STIM1: variants seen among roughly 807,000 people sequenced by gnomAD.
STIM1 encodes the protein stromal interaction molecule 1.
A neutral mutation model predicts 74.7 loss-of-function variants in STIM1; 25 were observed. The ratio of observed to expected loss-of-function variants is 0.33; its 90% CI spans 0.24 to 0.47. The LOEUF is 0.47. Among genes scored for constraint, STIM1 ranks in the 20% least tolerant of loss-of-function variants. STIM1 has a pLI of 1.00. For synonymous variants in STIM1, 328 were observed against 348.8 expected (o/e 0.94, Z 0.66); for missense variants, 728 against 920.8 (o/e 0.79, Z 2.71).
chr11:4,067,936 G>T (rs933736250), intron 5 of STIM1, among the ~76,000 whole-genome samples: 5 of 152,176 alleles, frequency 3.3e-5, no homozygotes, highest in African/African-American at 4.8e-5. Flanking sequence ...ACCTTAAAGA[G>T]TAAATCAACC....
intron 1 of STIM1, among the ~76,000 whole-genome samples, chr11:3,941,185 C>A (rs965167661): frequency 3.9e-5 from 6 of 152,064 alleles, no homozygotes; most frequent in African/African-American, 1.2e-4. Flanking sequence ...AGAGTACATG[C>A]CTCTACTAAT....
intron 1 of STIM1, among the ~76,000 whole-genome samples, chr11:3,902,870 A>G (rs551503911): frequency 1.9e-4 from 29 of 152,308 alleles, no homozygotes; most frequent in African/African-American, 7.0e-4. Context: ...GGATAGAGGC[A>G]AAGGATCATA....
intron 1 of STIM1, among the ~76,000 whole-genome samples, chr11:3,911,212 T>C (rs1259426254): frequency 6.6e-6 from 1 of 152,126 alleles, no homozygotes; most frequent in Non-Finnish European, 1.5e-5. Flanking sequence ...TTCTAACAAG[T>C]CAATCTAACT....
At chr11:3,918,583 C>CTA (rs1023215995) in intron 1 of STIM1, among the ~76,000 whole-genome samples, 3 of 151,772 alleles carry the variant, frequency 2.0e-5, no homozygotes, top group Middle Eastern at 3.2e-3. Flanking sequence ...CAACATAATA[C>CTA]CTCTCTTTCC....
chr11:3,895,750 TCC>T (rs1475629474), intron 1 of STIM1, among the ~76,000 whole-genome samples: 1,410 of 44,304 alleles, frequency 0.032, 140 homozygotes, highest in Non-Finnish European at 0.036. Context: ...CTTTCTTCCT[TCC>T]TTCCTTCCTT....
At chr11:3,980,323 A>G (rs1440594311) in intron 2 of STIM1, among the ~76,000 whole-genome samples, 5 of 152,140 alleles carry the variant, frequency 3.3e-5, no homozygotes, top group African/African-American at 2.4e-5. Context: ...CTGTCATTCA[A>G]TGCTCCCACC....
At chr11:3,877,709 C>T (rs1441715792) in intron 1 of STIM1, among the ~76,000 whole-genome samples, 1 of 152,174 alleles carries the variant, frequency 6.6e-6, no homozygotes, top group African/African-American at 2.4e-5. Flanking sequence ...AGGCCGAGGG[C>T]CTTGTTCTCA....
At chr11:3,982,496 C>T (rs1000327097) in intron 2 of STIM1, among the ~76,000 whole-genome samples, 2 of 152,208 alleles carry the variant, frequency 1.3e-5, no homozygotes, top group Non-Finnish European at 2.9e-5. Context: ...TTAACTCGTA[C>T]TACCATTGCT....
chr11:3,886,984 A>G (rs1041321855), intron 1 of STIM1, among the ~76,000 whole-genome samples: 2 of 151,910 alleles, frequency 1.3e-5, no homozygotes, highest in African/African-American at 4.8e-5. Context: ...GCCTGGCGAC[A>G]GAGCAAGACT....
intron 10 of STIM1, 95 bp from the exon 11 acceptor site, chr11:4,084,578 C>T: frequency 9.6e-7 from 1 of 1,039,666 alleles, no homozygotes; most frequent in Non-Finnish European, 1.3e-6. Flanking sequence ...CTACCCAATC[C>T]CTGCCCCCAG....
chr11:3,882,437 A>G (rs1229619356), intron 1 of STIM1, among the ~76,000 whole-genome samples: 2 of 152,156 alleles, frequency 1.3e-5, no homozygotes, highest in South Asian at 2.1e-4. Flanking sequence ...ATTTCATTGT[A>G]TGTTTATACA....
At chr11:3,866,148 T>C (rs1308128997) in intron 1 of STIM1, among the ~76,000 whole-genome samples, 1 of 152,184 alleles carries the variant, frequency 6.6e-6, no homozygotes, top group Non-Finnish European at 1.5e-5. Flanking sequence ...GCTGCATTCT[T>C]GGCAAGCCAA....
chr11:3,971,445 C>T lies in STIM1; in HGVS notation c.270+3763C>T, dbSNP rs180713958. On this transcript the variant is annotated intron_variant, in intron 2 of 12. Transcript: ENST00000526596. ...TCTGGAGGCTGAGGCAGGAGAATGG[C>T]GTGAGCCTGGGAGGCGGAGCTTGCA... Among the ~76,000 whole-genome samples, 615 of 152,216 alleles carry T rather than the reference C, an allele frequency of 4.0e-3. 2 individuals carry two copies. Among genetic ancestry groups the T allele is most frequent in the African/African-American group, 0.014 (582 of 41,522 alleles).
intron 1 of STIM1, among the ~76,000 whole-genome samples, chr11:3,901,080 G>C (rs4472932): frequency 0.34 from 52,272 of 151,944 alleles, 9,197 homozygotes; most frequent in South Asian, 0.48. Context: ...AGTCCCATCT[G>C]CTCTGGAGGT....
At chr11:4,053,587 G>C (rs1424973435) in intron 3 of STIM1, among the ~76,000 whole-genome samples, 2 of 151,866 alleles carry the variant, frequency 1.3e-5, no homozygotes, top group Non-Finnish European at 2.9e-5. Context: ...GTTGTGGGGT[G>C]GGGGGAAGGG....
chr11:4,000,208 T>C (rs4332517), intron 2 of STIM1, among the ~76,000 whole-genome samples: 61,399 of 88,508 alleles, frequency 0.69, 23,338 homozygotes, highest in East Asian at 0.86. Context: ...TAAATGTGCC[T>C]GTCTGACAGC....
intron 2 of STIM1, among the ~76,000 whole-genome samples, chr11:3,999,417 G>T (rs2093691649): frequency 6.6e-6 from 1 of 152,208 alleles, no homozygotes; most frequent in Admixed American, 6.5e-5. Flanking sequence ...TGGTAGGGAG[G>T]GAGAGTGGCC....
At chr11:3,892,804 C>G in intron 1 of STIM1, 1 of 1,613,118 alleles carries the variant, frequency 6.2e-7, no homozygotes, top group Non-Finnish European at 8.5e-7. Context: ...TCTTTGGAAC[C>G]TTGTCTGCAA....
At chr11:4,085,963 A>T (rs369123511) in intron 11 of STIM1, among the ~76,000 whole-genome samples, 49 of 152,302 alleles carry the variant, frequency 3.2e-4, no homozygotes, top group African/African-American at 1.2e-3. Context: ...GAAACTGGAT[A>T]TGTTATCATT....
Sources: gnomAD v4.1 joint callset for allele counts (sites outside exome capture counted in the v4.1 genomes callset) on GRCh38, gnomAD v4.1.1 for gene constraint, MANE v1.5 for transcripts, NCBI Gene and HGNC (gene_info 2026-07-23, HGNC 2026-07-21) for gene names.